OSBPL2: variants seen among roughly 807,000 people sequenced by gnomAD.
OSBPL2 encodes the protein oxysterol-binding protein-related protein 2.
In OSBPL2, 18 loss-of-function variants were observed where a neutral mutation model predicts 58.4. That is an observed-to-expected ratio of 0.31 (90% confidence interval 0.21 to 0.46). OSBPL2 has a LOEUF of 0.46. Ranked by LOEUF, OSBPL2 falls within the 20% of genes least tolerant of loss-of-function variation. The pLI is 1.00. For missense variants in OSBPL2, 461 were observed against 616.5 expected, an observed-to-expected ratio of 0.75 and a Z score of 2.67; for synonymous variants, 221 against 234.1, an observed-to-expected ratio of 0.94 and a Z score of 0.51.
At position 62,295,811 on chromosome 20, in the gene OSBPL2, GA is replaced by G. The variant is rs1480581692; in HGVS notation, c.*1927del. On this transcript the variant is annotated 3_prime_UTR_variant, in exon 14 of 14. Transcript: ENST00000313733. The surrounding 1 kb of genome is among the most constrained non-coding windows in gnomAD (Gnocchi z 4.8). The stretch of plus-strand genomic sequence containing the variant: ...TCCAGAGGTGAGACTCAGACACATT[GA>G]AAGTGACTGCATTTAGGGAGGTTTA... 6 of 152,212 alleles carry G rather than the reference GA, an allele frequency of 3.9e-5. No individual in the cohort carries two copies. Among genetic ancestry groups the G allele is most frequent in the Non-Finnish European group, 8.8e-5 (6 of 68,034 alleles). The allele number at this position is 152,212 out of a possible 1,614,324, so 9.4% of individuals were successfully genotyped here.
intron 1 of OSBPL2, among the ~76,000 whole-genome samples, chr20:62,241,274 GCTCTGCCTCCCGGGTTCACACCATT>G (rs1254327290): frequency 6.6e-6 from 1 of 151,934 alleles, no homozygotes; most frequent in East Asian, 1.9e-4. Context: ...CTCACTGCAA[GCTCTGCCTCCCGGGTTCACACCATT>G]CTCCTGCCTC....
chr20:62,242,290 C>T (rs1979784605), intron 1 of OSBPL2: 1 of 152,228 alleles, frequency 6.6e-6, no homozygotes. Context: ...TTTGCGTGAA[C>T]TTTTTGGCAC....
chr20:62,263,831 C>T (rs759362413), intron 4 of OSBPL2, 140 bp downstream of exon 4: 56 of 691,446 alleles, frequency 8.1e-5, no homozygotes, highest in African/African-American at 3.7e-4. Flanking sequence ...TTTGGGAGGC[C>T]GAGGTGGGCG....
intron 7 of OSBPL2, 80 bp downstream of exon 7, chr20:62,279,419 C>G: frequency 7.0e-7 from 1 of 1,419,856 alleles, no homozygotes; most frequent in Non-Finnish European, 9.7e-7. Context: ...GGAAAGCTTC[C>G]TTCAGGAGGA....
At chr20:62,283,398 T>C (rs969907132) in intron 9 of OSBPL2, among the ~76,000 whole-genome samples, 2 of 152,040 alleles carry the variant, frequency 1.3e-5, no homozygotes, top group South Asian at 2.1e-4. Flanking sequence ...CGGGAGTCTG[T>C]GGTCACGGTT....
At chr20:62,253,187 C>T (rs1464526678) in intron 1 of OSBPL2, among the ~76,000 whole-genome samples, 1 of 152,258 alleles carries the variant, frequency 6.6e-6, no homozygotes, top group African/African-American at 2.4e-5. Context: ...GGTCACGCAC[C>T]TGTGTGCCTT....
intron 1 of OSBPL2, among the ~76,000 whole-genome samples, chr20:62,240,143 G>A (rs943669655): frequency 6.6e-6 from 1 of 152,096 alleles, no homozygotes; most frequent in African/African-American, 2.4e-5. Flanking sequence ...GCGAGCCACC[G>A]CGCCCTGCCA....
At chr20:62,274,345 G>A (rs1034055327) in intron 6 of OSBPL2, among the ~76,000 whole-genome samples, 1 of 152,206 alleles carries the variant, frequency 6.6e-6, no homozygotes, top group Non-Finnish European at 1.5e-5. Flanking sequence ...CTGGGGCTCC[G>A]GGGAGCTGTG....
intron 6 of OSBPL2, among the ~76,000 whole-genome samples, chr20:62,275,765 T>G (rs1982349856): frequency 6.6e-6 from 1 of 152,074 alleles, no homozygotes; most frequent in African/African-American, 2.4e-5. Context: ...TAGTTTCATT[T>G]GCAGCATTTT....
chr20:62,247,447 A>C (rs1980198965), intron 1 of OSBPL2, among the ~76,000 whole-genome samples: 1 of 152,158 alleles, frequency 6.6e-6, no homozygotes, highest in Non-Finnish European at 1.5e-5. Flanking sequence ...TGCGAAGCTC[A>C]GCGGGACCGC....
chr20:62,238,610 C>T lies in OSBPL2; in HGVS notation c.-129+13C>T, dbSNP rs1315532830. 1 of 148,284 alleles carries T rather than the reference C, an allele frequency of 6.7e-6. No homozygotes were observed. Among genetic ancestry groups the T allele is most frequent in the Non-Finnish European group, 1.5e-5 (1 of 66,500 alleles). The allele number at this position is 148,284 out of a possible 1,614,324, so 9.2% of individuals were successfully genotyped here. A position where few individuals can be genotyped will look rare whatever the true frequency, so the allele number is the denominator to read the frequency against. ...GACCCGCGTCCAGGTGAGTGGCCCC[C>T]GCCGCCGCCACGCGAAGGCCCGGGA... On this transcript the variant is annotated intron_variant, in intron 1 of 13. Transcript: ENST00000313733.
intron 5 of OSBPL2, among the ~76,000 whole-genome samples, chr20:62,272,878 A>G (rs558552404): frequency 6.6e-6 from 1 of 152,348 alleles, no homozygotes; most frequent in East Asian, 1.9e-4. Context: ...CCTGGGTGAC[A>G]GAGTGAGACC....
chr20:62,255,635 C>G lies in OSBPL2; in HGVS notation c.-128-422C>G, dbSNP rs754781226. Among the ~76,000 whole-genome samples, 4 of 152,310 alleles carry G rather than the reference C, an allele frequency of 2.6e-5. No homozygotes were observed. The South Asian group carries it at 8.3e-4, about 32-fold the overall frequency. On this transcript the variant is annotated intron_variant, in intron 1 of 13. Transcript: ENST00000313733. ...TCTCCTGCCTCACCCTCCCAAGTAG[C>G]TGGGACTATAGGCGTGCGCCACCAC... is the stretch of plus-strand genomic sequence containing the variant.
Position 62,293,817 on chromosome 20 carries a change from G to C in OSBPL2, c.1373G>C (p.Gly458Ala). The C allele has an allele frequency of 6.2e-7, 1 of 1,614,058 alleles. No homozygotes were observed. Among genetic ancestry groups the C allele is most frequent in the African/African-American group, 1.3e-5 (1 of 75,006 alleles). ...TACCCAGGCAATAACCCCTACACTG[G>C]GACCCCCGACTGGTTGTATGCAGGG... is the stretch of plus-strand genomic sequence containing the variant. ...WFYPGNNPYT[G>A]TPDWLYAGDY... The change falls in exon 14 of 14, where the codon GGG becomes GCG. Residue 458 changes from glycine to alanine, a missense_variant. Physicochemically the swap from Gly to Ala is moderately conservative, Grantham distance 60 (BLOSUM62 0). This residue lies in a region of OSBPL2 where 319 missense variants were observed against 419.2 expected (regional missense o/e 0.76). Coordinates refer to ENST00000313733, the MANE Select transcript of OSBPL2 (RefSeq NM_144498.4).
At chr20:62,244,505 C>T (rs73143060) in intron 1 of OSBPL2, among the ~76,000 whole-genome samples, 214 of 152,342 alleles carry the variant, frequency 1.4e-3, no homozygotes, top group Admixed American at 2.5e-3. Flanking sequence ...CACCCAGTCT[C>T]GTGGGCCGCA....
At chr20:62,292,917 G>A (rs986066914) in intron 13 of OSBPL2, among the ~76,000 whole-genome samples, 5 of 151,100 alleles carry the variant, frequency 3.3e-5, no homozygotes, top group Non-Finnish European at 5.9e-5. Flanking sequence ...GCCCAGGCTG[G>A]AGTGCAGTGG....
At chr20:62,292,497 G>A (rs192661243) in intron 13 of OSBPL2, among the ~76,000 whole-genome samples, 26 of 152,344 alleles carry the variant, frequency 1.7e-4, no homozygotes, top group Non-Finnish European at 3.4e-4. Context: ...CATGATTCCT[G>A]TTTCTGTAAC....
rs376105023 is a variant in OSBPL2, at chr20:62,293,235, T to C, written c.1341-550T>C. ...ATGATCTTTTGTCCTTCGAAGAAAA[T>C]GTCTTCTCCTTTGTGAGCGCTGCCC... On this transcript the variant is annotated intron_variant, in intron 13 of 13. Transcript: ENST00000313733. Among the ~76,000 whole-genome samples, 4 of 151,704 alleles carry C rather than the reference T, an allele frequency of 2.6e-5. No homozygotes were observed. The East Asian group carries it at 5.8e-4, about 22-fold the overall frequency.
At chr20:62,279,909 G>A (rs1982670875) in intron 7 of OSBPL2, 1 of 1,281,470 alleles carries the variant, frequency 7.8e-7, no homozygotes, top group Non-Finnish European at 1.0e-6. Context: ...ATGTGGCAGG[G>A]GTGACTTAGG....
Sources: allele counts gnomAD v4.1 joint callset (sites outside exome capture counted in the v4.1 genomes callset), GRCh38; gene constraint gnomAD v4.1.1; regional missense constraint gnomAD v4.1.1; non-coding constraint Gnocchi (gnomAD v3.1); transcripts MANE v1.5; gene names NCBI Gene and HGNC (gene_info 2026-07-23, HGNC 2026-07-21).